The following GLB1 variants were observed in gnomAD, a reference collection of about 807,000 sequenced individuals.
The protein encoded by GLB1 is galactosidase beta 1.
In GLB1, 56 loss-of-function variants were observed where a neutral mutation model predicts 74.0. That is an observed-to-expected ratio of 0.76 (90% confidence interval 0.61 to 0.94). The LOEUF (loss-of-function observed/expected upper bound fraction) is 0.94, where lower values mean the gene tolerates loss of function less well. Among genes scored for constraint, GLB1 ranks in the 40% least tolerant of loss-of-function variants. The pLI, the probability that GLB1 is intolerant of heterozygous loss-of-function variation, is 0.00. For synonymous variants in GLB1, 323 were observed against 323.6 expected (o/e 1.00, Z 0.02); for missense variants, 787 against 845.5 (o/e 0.93, Z 0.86).
rs1223752184 is a variant in GLB1, at chr3:33,051,886, T to C, written c.911A>G (p.Asn304Ser). 1.9e-6 allele frequency: 3 copies of C among 1,614,246 alleles called. No individual in the cohort carries two copies. Among genetic ancestry groups the C allele is most frequent in the Non-Finnish European group, 2.5e-6 (3 of 1,180,044 alleles). ...CCCTCAGGCAATGAACACTCACAAG[T>C]TCACACTCGCCCCACGGGCAAGTAT... ...YDILARGASVNLYMFIGGTNF... is the reference protein window; with the variant it reads ...YDILARGASVSLYMFIGGTNF... Residue 304 changes from asparagine (N) to serine (S), a missense_variant, in exon 8 of 16, where the codon AAC becomes AGC. Coordinates refer to ENST00000307363, the MANE Select transcript of GLB1 (RefSeq NM_000404.4).
intron 10 of GLB1, among the ~76,000 whole-genome samples, chr3:33,036,577 T>C (rs1451072255): frequency 2.0e-5 from 3 of 152,184 alleles, no homozygotes; most frequent in Admixed American, 6.5e-5. Context: ...TACTCTGATG[T>C]TCAATGCAGC....
At chr3:32,983,320 T>C in the GLB1 span, among the ~76,000 whole-genome samples, 34 of 152,340 alleles carry the variant, frequency 2.2e-4, no homozygotes, top group Non-Finnish European at 4.1e-4. Flanking sequence ...TGCTACATTC[T>C]ATATCATTTC....
chr3:33,067,002 C>CA (rs1699709746), intron 4 of GLB1, among the ~76,000 whole-genome samples: 1 of 135,474 alleles, frequency 7.4e-6, no homozygotes, highest in Non-Finnish European at 1.6e-5. Flanking sequence ...GTTTTTATTT[C>CA]TTTTTTTTTT....
At chr3:33,007,336 C>T (rs1696830756) in intron 15 of GLB1, among the ~76,000 whole-genome samples, 1 of 152,154 alleles carries the variant, frequency 6.6e-6, no homozygotes, top group Non-Finnish European at 1.5e-5. Context: ...GTTAAGAAGC[C>T]CTGTACCCTT....
intron 14 of GLB1, 115 bp from the exon 15 acceptor site, chr3:33,014,425 A>G: frequency 6.7e-7 from 1 of 1,485,300 alleles, no homozygotes; most frequent in Non-Finnish European, 9.1e-7. Flanking sequence ...ACCAACAGGA[A>G]ATGAACCTCG....
the GLB1 span, among the ~76,000 whole-genome samples, chr3:32,981,348 C>G: frequency 7.4e-6 from 1 of 135,132 alleles, no homozygotes; most frequent in Admixed American, 8.2e-5. Context: ...TGCAGTGAGC[C>G]GAGACCGCAC....
At chr3:33,047,216 T>C (rs1388491188) in intron 9 of GLB1, among the ~76,000 whole-genome samples, 1 of 152,046 alleles carries the variant, frequency 6.6e-6, no homozygotes, top group Non-Finnish European at 1.5e-5. Flanking sequence ...CAACACTGAG[T>C]ATACAAAAGG....
At chr3:32,973,718 A>G in the GLB1 span, among the ~76,000 whole-genome samples, 41 of 152,174 alleles carry the variant, frequency 2.7e-4, no homozygotes, top group African/African-American at 8.7e-4. Context: ...ATATAAATTT[A>G]TCAAAACTCA....
chr3:33,064,974 A>G (rs1388978675), intron 5 of GLB1, among the ~76,000 whole-genome samples: 2 of 152,208 alleles, frequency 1.3e-5, no homozygotes, highest in Non-Finnish European at 2.9e-5. Flanking sequence ...GAGAGGAAAC[A>G]TAACAGCCAG....
At chr3:33,072,963 C>A (rs960038632) in intron 1 of GLB1, among the ~76,000 whole-genome samples, 3 of 152,140 alleles carry the variant, frequency 2.0e-5, no homozygotes, top group African/African-American at 7.2e-5. Flanking sequence ...GAGGCCAGCA[C>A]TGAGCTGACA....
At position 33,093,999 on chromosome 3, in the gene GLB1, C is replaced by T. The variant is rs1295528940; in HGVS notation, c.75+3012G>A. ...GGAGTGGCAGAGGTTGCTCACTGTG[C>T]TGCGCCAAATGTAGAGGGAGCCAAT... On this transcript the variant is annotated intron_variant, in intron 1 of 15. Coordinates refer to ENST00000307363, the MANE Select transcript of GLB1 (RefSeq NM_000404.4). The surrounding 1 kb of genome is among the most constrained non-coding windows in gnomAD (Gnocchi z 6.0). 1.8e-5 allele frequency: 29 copies of T among 1,614,182 alleles called. No homozygotes were observed. Among genetic ancestry groups the T allele is most frequent in the Non-Finnish European group, 2.4e-5 (28 of 1,180,020 alleles).
intron 15 of GLB1, among the ~76,000 whole-genome samples, chr3:33,013,526 G>C (rs775241169): frequency 6.6e-6 from 1 of 152,178 alleles, no homozygotes; most frequent in Non-Finnish European, 1.5e-5. Flanking sequence ...AGGGAGAGGA[G>C]AAGGCGGTGA....
At chr3:33,014,401 C>T (rs1436439111) in intron 14 of GLB1, 91 bp from the exon 15 acceptor site, 1 of 1,555,996 alleles carries the variant, frequency 6.4e-7, no homozygotes, top group African/African-American at 1.4e-5. Flanking sequence ...GAAAAGCAAA[C>T]CGGGATACAA....
rs1178426587 is a variant in GLB1 at position 33,064,451 on chromosome 3, AAC to A, written c.552+1010_552+1011del. On this transcript the variant is annotated intron_variant, in intron 5 of 15. Transcript: ENST00000307363. ...CGAGACTCTGTCTCCTAAAAAAAAA[AAC>A]AAAAAACCTTTACTCTTTTCCATAA... is the stretch of plus-strand genomic sequence containing the variant. 4.5e-5 allele frequency among the ~76,000 whole-genome samples: 6 copies of A among 132,728 alleles called. 1 individual carries two copies. The highest frequency in any genetic ancestry group is 1.5e-4 in the Admixed American group (2 of 12,960). The allele number at this position is 132,728 out of a possible 152,430, so 87.1% of individuals were successfully genotyped here.
intron 10 of GLB1, among the ~76,000 whole-genome samples, chr3:33,044,036 C>T (rs888747609): frequency 6.6e-6 from 1 of 151,960 alleles, no homozygotes; most frequent in African/African-American, 2.4e-5. Flanking sequence ...ACTGAACTGA[C>T]AAAAAATTAG....
chr3:33,043,149 T>C (rs4679082), intron 10 of GLB1, among the ~76,000 whole-genome samples: 90,905 of 152,056 alleles, frequency 0.6, 28,310 homozygotes, highest in Admixed American at 0.73. Context: ...AAAGTAAAGA[T>C]ATTGATTAAT....
intron 1 of GLB1, among the ~76,000 whole-genome samples, chr3:33,082,220 C>G (rs1012540805): frequency 1.3e-5 from 2 of 152,058 alleles, no homozygotes; most frequent in African/African-American, 4.8e-5. Context: ...ATAATGGGAG[C>G]CTTGGCCCCA....
chr3:33,058,029 G>C (rs1472065856), intron 6 of GLB1, 60 bp downstream of exon 6: 2 of 1,603,364 alleles, frequency 1.2e-6, no homozygotes, highest in African/African-American at 2.7e-5. Flanking sequence ...GCTGCCCAGA[G>C]CAACTGACTG....
rs946928851 is a variant in GLB1, at chr3:33,054,019, AT to A, written c.734-471del. Among the ~76,000 whole-genome samples, 150 of 148,792 alleles carry A rather than the reference AT, an allele frequency of 1.0e-3. No individual in the cohort carries two copies. In the East Asian group the frequency reaches 0.016, roughly 16 times the overall value. On this transcript the variant is annotated intron_variant, in intron 6 of 15. Coordinates refer to ENST00000307363, the MANE Select transcript of GLB1 (RefSeq NM_000404.4). ...CAGAGTGACACTCCATCTCAAAAAT[AT>A]TTTTTTTATTAAAAAAAATAATAAT...
Sources: allele counts gnomAD v4.1 joint callset (sites outside exome capture counted in the v4.1 genomes callset), GRCh38; gene constraint gnomAD v4.1.1; non-coding constraint Gnocchi (gnomAD v3.1); transcripts MANE v1.5; gene names NCBI Gene and HGNC (gene_info 2026-07-23, HGNC 2026-07-21).